The following ENPEP variants were observed in gnomAD, a reference collection of about 807,000 sequenced individuals.
The protein encoded by ENPEP is glutamyl aminopeptidase.
In ENPEP, 103 loss-of-function variants were observed where a neutral mutation model predicts 114.5. The ratio of observed to expected loss-of-function variants is 0.90; its 90% CI spans 0.77 to 1.06. ENPEP has a LOEUF of 1.06. ENPEP is among the 50% of genes least tolerant of loss of function. ENPEP has a pLI of 0.00. For synonymous variants in ENPEP, 420 were observed against 422.0 expected, an observed-to-expected ratio of 1.00 and a Z score of 0.06; for missense variants, 1,196 against 1,161.3, an observed-to-expected ratio of 1.03 and a Z score of -0.43.
intron 1 of ENPEP, among the ~76,000 whole-genome samples, chr4:110,479,567 G>C (rs1362523946): frequency 3.3e-5 from 5 of 151,956 alleles, no homozygotes; most frequent in Non-Finnish European, 7.4e-5. Context: ...CAAAAAATAT[G>C]TCCCAAACTC....
intron 3 of ENPEP, chr4:110,499,959 G>T (rs1725090834): frequency 6.6e-6 from 1 of 152,124 alleles, no homozygotes; most frequent in Admixed American, 6.6e-5. Context: ...AAAAATTTAA[G>T]TTCTCAATAA....
At chr4:110,488,489 G>A (rs1172290220) in intron 1 of ENPEP, 52 bp from the exon 2 acceptor site, 5 of 1,530,748 alleles carry the variant, frequency 3.3e-6, no homozygotes, top group East Asian at 2.4e-5. Context: ...AGACATAGGG[G>A]TTGTCAGAAG....
intron 8 of ENPEP, among the ~76,000 whole-genome samples, chr4:110,517,364 G>A (rs1578404347): frequency 1.3e-5 from 2 of 152,256 alleles, no homozygotes; most frequent in East Asian, 1.9e-4. Flanking sequence ...TGAGTGAATA[G>A]CCTATAATAA....
chr4:110,514,450 A>C (rs1276594675), intron 7 of ENPEP, among the ~76,000 whole-genome samples: 1 of 151,940 alleles, frequency 6.6e-6, no homozygotes, highest in African/African-American at 2.4e-5. Flanking sequence ...TTTTTCTTTG[A>C]TATTATGAAT....
At chr4:110,518,360 T>G (rs1449441912) in intron 8 of ENPEP, among the ~76,000 whole-genome samples, 1 of 152,206 alleles carries the variant, frequency 6.6e-6, no homozygotes, top group East Asian at 1.9e-4. Flanking sequence ...GTCTTTTCCC[T>G]TCTTGGGATA....
At chr4:110,484,784 A>ATT (rs1466273806) in intron 1 of ENPEP, among the ~76,000 whole-genome samples, 2 of 147,724 alleles carry the variant, frequency 1.4e-5, no homozygotes. Context: ...ATATATATAT[A>ATT]TTCATATTCT....
chr4:110,553,639 T>A, intron 18 of ENPEP, 184 bp downstream of exon 18: 1 of 470,514 alleles, frequency 2.1e-6, no homozygotes, highest in Non-Finnish European at 3.5e-6. Context: ...AAGAACAATT[T>A]TTTTCTGGAA....
intron 3 of ENPEP, among the ~76,000 whole-genome samples, chr4:110,496,971 A>T (rs1387963202): frequency 6.6e-6 from 1 of 151,760 alleles, no homozygotes; most frequent in East Asian, 1.9e-4. Context: ...ACCCAAGGGG[A>T]AGAGAGTTAA....
chr4:110,476,999 G>T lies in ENPEP; in HGVS notation c.585G>T (p.Trp195Cys), dbSNP rs775040470. The T allele has an allele frequency of 3.7e-6, 6 of 1,614,198 alleles. No individual in the cohort carries two copies. The highest frequency in any genetic ancestry group is 5.1e-6 in the Non-Finnish European group (6 of 1,180,040). Reference protein sequence around the residue: ...LYLLTMEFAGWLNGSLVGFYR... With the variant: ...LYLLTMEFAGCLNGSLVGFYR... ...TCCTGACCATGGAGTTCGCCGGCTG[G>T]CTGAACGGCTCCCTCGTGGGATTTT... is the stretch of plus-strand genomic sequence containing the variant. Residue 195 changes from tryptophan (W) to cysteine (C), a missense_variant, in exon 1 of 20, where the codon TGG becomes TGT. Physicochemically the swap from Trp to Cys is radical, Grantham distance 215. Transcript: ENST00000265162.
intron 11 of ENPEP, among the ~76,000 whole-genome samples, chr4:110,538,789 C>G (rs555119300): frequency 1.8e-4 from 28 of 151,870 alleles, no homozygotes; most frequent in African/African-American, 6.1e-4. Context: ...ACACTTGAGG[C>G]CATTGAAGAA....
At chr4:110,516,770 A>T (rs190280974) in intron 8 of ENPEP, among the ~76,000 whole-genome samples, 23 of 152,292 alleles carry the variant, frequency 1.5e-4, no homozygotes, top group Non-Finnish European at 8.8e-5. Flanking sequence ...AAATATTTGG[A>T]AGTATATCAG....
intron 10 of ENPEP, among the ~76,000 whole-genome samples, chr4:110,526,693 C>T (rs1485473043): frequency 6.6e-6 from 1 of 152,158 alleles, no homozygotes; most frequent in South Asian, 2.1e-4. Context: ...AAGCTCTCCT[C>T]TTGCTGCACT....
At chr4:110,529,012 A>G (rs1029390091) in intron 10 of ENPEP, among the ~76,000 whole-genome samples, 2 of 152,212 alleles carry the variant, frequency 1.3e-5, no homozygotes, top group African/African-American at 4.8e-5. Context: ...ATAAAATTGT[A>G]TAGCCTCAAC....
intron 10 of ENPEP, among the ~76,000 whole-genome samples, chr4:110,527,264 C>T (rs1440397569): frequency 6.6e-6 from 1 of 152,182 alleles, no homozygotes; most frequent in Non-Finnish European, 1.5e-5. Context: ...AGCCGTTGTA[C>T]TCAACTCGTT....
intron 3 of ENPEP, among the ~76,000 whole-genome samples, chr4:110,499,748 T>A (rs957377675): frequency 6.6e-6 from 1 of 152,228 alleles, no homozygotes; most frequent in African/African-American, 2.4e-5. Context: ...ATTAGTTTGC[T>A]TAAACATATA....
At chr4:110,531,975 T>C (rs1241285854) in intron 11 of ENPEP, among the ~76,000 whole-genome samples, 3 of 152,198 alleles carry the variant, frequency 2.0e-5, no homozygotes, top group African/African-American at 4.8e-5. Flanking sequence ...CTTTCACTTG[T>C]GTCTTCTTGA....
chr4:110,477,534 C>CT lies in ENPEP; in HGVS notation c.644+482dup, dbSNP rs1300149008. Among the ~76,000 whole-genome samples the CT allele has an allele frequency of 2.0e-5, 3 of 151,588 alleles. No homozygotes were observed. The East Asian group carries it at 5.8e-4, about 29-fold the overall frequency. On this transcript the variant is annotated intron_variant, in intron 1 of 19. Transcript: ENST00000265162. ...TCCATTTTTTTTTTGTCCAATGTCTCTTTTTTGGAGAAGAGAGACATTGAA... is the reference window on the plus strand; with the variant it reads ...TCCATTTTTTTTTTGTCCAATGTCTCTTTTTTTGGAGAAGAGAGACATTGAA...
intron 12 of ENPEP, 63 bp from the exon 13 acceptor site, chr4:110,542,952 A>AT (rs1025049619): frequency 1.2e-6 from 2 of 1,609,864 alleles, no homozygotes; most frequent in African/African-American, 2.7e-5. Flanking sequence ...AATGATATTA[A>AT]TTTTTTTCAA....
Position 110,476,886 on chromosome 4 carries a change from C to T in ENPEP, c.472C>T (p.Arg158Trp). 2.5e-6 allele frequency: 4 copies of T among 1,614,076 alleles called. No homozygotes were observed. Among genetic ancestry groups the T allele is most frequent in the Non-Finnish European group, 3.4e-6 (4 of 1,180,008 alleles). The change falls in exon 1 of 20, where the codon CGG (arginine) becomes TGG (tryptophan). Residue 158 changes from arginine (R) to tryptophan (W), a missense_variant. By Grantham distance (101) the Arg-to-Trp change is moderately radical. Coordinates refer to ENST00000265162, the MANE Select transcript of ENPEP (RefSeq NM_001977.4). ...GCCCTCTGGGGACCAGGTGCAAGTC[C>T]GGAGGTGTTTCGAGTACAAAAAGCA... The part of the protein sequence containing the change: ...KRPSGDQVQV[R>W]RCFEYKKQEY...
Sources: gnomAD v4.1 joint callset for allele counts (sites outside exome capture counted in the v4.1 genomes callset) on GRCh38, gnomAD v4.1.1 for gene constraint, MANE v1.5 for transcripts, NCBI Gene and HGNC (gene_info 2026-07-23, HGNC 2026-07-21) for gene names.